The following COG3 variants were observed in gnomAD, a reference collection of about 807,000 sequenced individuals.
COG3 encodes component of oligomeric golgi complex 3, also known as conserved oligomeric Golgi complex subunit 3.
A neutral mutation model predicts 114.1 loss-of-function variants in COG3; 32 were observed. The observed-to-expected ratio is 0.28, with a 90% CI of 0.21 to 0.38. The LOEUF (loss-of-function observed/expected upper bound fraction) is 0.38, where lower values mean the gene tolerates loss of function less well. COG3 is among the 10% of genes least tolerant of loss of function. The pLI, the probability that COG3 is intolerant of heterozygous loss-of-function variation, is 1.00. For missense variants in COG3, 813 were observed against 973.2 expected (o/e 0.84, Z 2.19); for synonymous variants, 352 against 365.7 (o/e 0.96, Z 0.43).
chr13:45,484,481 C>T (rs1004206826), intron 7 of COG3, among the ~76,000 whole-genome samples: 60 of 152,250 alleles, frequency 3.9e-4, no homozygotes, highest in African/African-American at 1.4e-3. Context: ...TTAATTTTAA[C>T]TATAAAGGAG....
chr13:45,501,324 G>A (rs773454534), intron 13 of COG3, among the ~76,000 whole-genome samples: 1 of 152,184 alleles, frequency 6.6e-6, no homozygotes, highest in Non-Finnish European at 1.5e-5. Context: ...TGATGTCAGT[G>A]TGGACTTGGT....
chr13:45,509,320 G>A (rs1227050291), intron 14 of COG3, among the ~76,000 whole-genome samples: 2 of 152,250 alleles, frequency 1.3e-5, no homozygotes, highest in African/African-American at 4.8e-5. Context: ...TTACAGGCGT[G>A]AGCCACTGTG....
intron 13 of COG3, among the ~76,000 whole-genome samples, chr13:45,501,493 A>G (rs35425944): frequency 0.15 from 23,477 of 152,188 alleles, 2,993 homozygotes; most frequent in African/African-American, 0.35. Context: ...TCCTTTTGAC[A>G]TACTCATTTA....
chr13:45,515,333 A>G (rs1160430361), intron 16 of COG3, among the ~76,000 whole-genome samples: 2 of 152,136 alleles, frequency 1.3e-5, no homozygotes, highest in Non-Finnish European at 2.9e-5. Context: ...TAAAATTTAT[A>G]TTGCTTACTG....
intron 1 of COG3, among the ~76,000 whole-genome samples, chr13:45,471,242 GA>G (rs113159140): frequency 0.71 from 106,058 of 149,788 alleles, 39,269 homozygotes; most frequent in Admixed American, 0.81. Flanking sequence ...CGTCTCTACA[GA>G]AAAAAAAAAG....
Position 45,523,191 on chromosome 13 carries a change from T to G in COG3, c.2155-1785T>G, listed in dbSNP as rs2137914290. On this transcript the variant is annotated intron_variant, in intron 19 of 22. Transcript: ENST00000349995. ...GATGGGACCAATTTATGCTAAAAAC[T>G]CAGACTTATATATAGAAAATATTCA... 2.6e-5 allele frequency among the ~76,000 whole-genome samples: 4 copies of G among 151,592 alleles called. 1 individual carries two copies. In the Middle Eastern group the frequency reaches 0.01, roughly 387 times the overall value.
At chr13:45,529,009 G>A (rs897880288) in intron 20 of COG3, among the ~76,000 whole-genome samples, 1 of 152,138 alleles carries the variant, frequency 6.6e-6, no homozygotes, top group African/African-American at 2.4e-5. Context: ...TCCATCAGCA[G>A]TACACAAAGA....
intron 7 of COG3, 139 bp from the exon 8 acceptor site, chr13:45,486,356 G>A: frequency 1.6e-6 from 1 of 617,122 alleles, no homozygotes. Flanking sequence ...GGGAGAGGGA[G>A]AGGGAGAGGG....
At chr13:45,466,876 ATATGT>A (rs1224154572) in intron 1 of COG3, among the ~76,000 whole-genome samples, 1 of 152,214 alleles carries the variant, frequency 6.6e-6, no homozygotes, top group African/African-American at 2.4e-5. Flanking sequence ...AGTCTTTAAC[ATATGT>A]TATGTCCCTA....
chr13:45,518,665 C>A, intron 17 of COG3, 97 bp from the exon 18 acceptor site: 1 of 871,104 alleles, frequency 1.1e-6, no homozygotes. Context: ...GGTGAATTGG[C>A]TTTTTGCCTT....
At chr13:45,473,362 G>A (rs1419528404) in intron 1 of COG3, among the ~76,000 whole-genome samples, 4 of 152,058 alleles carry the variant, frequency 2.6e-5, no homozygotes, top group Admixed American at 2.0e-4. Flanking sequence ...TATTGTGAGG[G>A]TACAAGCAAC....
chr13:45,503,878 G>C (rs1391435140), intron 14 of COG3, among the ~76,000 whole-genome samples: 1 of 152,100 alleles, frequency 6.6e-6, no homozygotes, highest in East Asian at 1.9e-4. Flanking sequence ...AGTGTATCAT[G>C]GTGACTGGAC....
intron 14 of COG3, among the ~76,000 whole-genome samples, chr13:45,504,282 A>C (rs575952788): frequency 2.6e-5 from 4 of 152,310 alleles, no homozygotes; most frequent in Admixed American, 2.0e-4. Context: ...CCCATCTGAC[A>C]AAGTCATTTT....
chr13:45,485,169 A>AG (rs1886518763), intron 7 of COG3, among the ~76,000 whole-genome samples: 2 of 147,078 alleles, frequency 1.4e-5, no homozygotes, highest in East Asian at 4.0e-4. Context: ...ACTTCCCAGT[A>AG]GGGGCGGCCG....
chr13:45,516,371 T>C lies in COG3; in HGVS notation c.1930+108T>C, dbSNP rs978440116. On this transcript the variant is annotated intron_variant, in intron 17 of 22. Transcript: ENST00000349995. ...TTCATCTGCAATTTTTTGCATGCTT[T>C]GCTTGCTAAATATGTTATTTGTTCG... 8.6e-6 allele frequency: 8 copies of C among 933,480 alleles called. No homozygotes were observed. The Admixed American group carries it at 1.7e-4, about 20-fold the overall frequency. The allele number at this position is 933,480 out of a possible 1,614,324, so 57.8% of individuals were successfully genotyped here. A position where few individuals can be genotyped will look rare whatever the true frequency, so the allele number is the denominator to read the frequency against.
At chr13:45,480,804 C>T (rs1228254296) in intron 4 of COG3, among the ~76,000 whole-genome samples, 1 of 152,064 alleles carries the variant, frequency 6.6e-6, no homozygotes, top group African/African-American at 2.4e-5. Context: ...TACCTCAAGT[C>T]ATCTGCCCGC....
chr13:45,506,621 A>G (rs1870181060), intron 14 of COG3, among the ~76,000 whole-genome samples: 1 of 152,186 alleles, frequency 6.6e-6, no homozygotes, highest in African/African-American at 2.4e-5. Flanking sequence ...TTGAGAAGGT[A>G]AGGATGAACA....
chr13:45,481,234 A>G lies in COG3; in HGVS notation c.554A>G (p.Glu185Gly). Residue 185 changes from glutamate to glycine, a missense_variant, in exon 5 of 23, where the codon GAA becomes GGA. Coordinates refer to ENST00000349995, the MANE Select transcript of COG3 (RefSeq NM_031431.4). The part of the protein sequence containing the change: ...ACEQLLKEQS[E>G]LVDLAENIQQ... ...TTCTCTTTTAAAAAATGCAAGTCGG[A>G]ACTTGTTGATCTGGCTGAAAACATT... 6.3e-7 allele frequency: 1 copy of G among 1,581,422 alleles called. No homozygotes were observed. The highest frequency in any genetic ancestry group is 1.1e-5 in the South Asian group (1 of 89,004).
intron 5 of COG3, among the ~76,000 whole-genome samples, chr13:45,481,735 A>T (rs1043946302): frequency 1.3e-5 from 2 of 152,194 alleles, no homozygotes; most frequent in African/African-American, 4.8e-5. Context: ...AATAGTTCCA[A>T]TAAAGACAAG....
Sources: allele counts gnomAD v4.1 joint callset (sites outside exome capture counted in the v4.1 genomes callset), GRCh38; gene constraint gnomAD v4.1.1; transcripts MANE v1.5; gene names NCBI Gene and HGNC (gene_info 2026-07-23, HGNC 2026-07-21).